The following EHBP1 variants were observed in gnomAD, a reference collection of about 807,000 sequenced individuals.
EHBP1 encodes the protein EH domain-binding protein 1.
Under a neutral mutation model 144.0 loss-of-function variants are expected in EHBP1, and 55 were observed. That is an observed-to-expected ratio of 0.38 (90% CI 0.31 to 0.48). The LOEUF (loss-of-function observed/expected upper bound fraction) is 0.48, where lower values mean the gene tolerates loss of function less well. Ranked by LOEUF, EHBP1 falls within the 20% of genes least tolerant of loss-of-function variation. The probability of loss-of-function intolerance (pLI) is 0.98; values close to 1 mark genes in which losing one functional copy is unlikely to be tolerated. For synonymous variants in EHBP1, 469 were observed against 472.7 expected (o/e 0.99, Z 0.10); for missense variants, 1,200 against 1,364.2 (o/e 0.88, Z 1.90).
chr2:62,685,723 C>A (rs913978761), intron 1 of EHBP1, among the ~76,000 whole-genome samples: 2 of 152,146 alleles, frequency 1.3e-5, no homozygotes, highest in African/African-American at 4.8e-5. Context: ...TTATAAGCGG[C>A]AGCACCTTTT....
At chr2:62,802,921 C>G (rs1033777721) in intron 5 of EHBP1, among the ~76,000 whole-genome samples, 1 of 152,054 alleles carries the variant, frequency 6.6e-6, no homozygotes, top group South Asian at 2.1e-4. Flanking sequence ...GACGGGGTTT[C>G]GCCATGTTGG....
chr2:62,772,748 TGTTAAA>T (rs1573264418), intron 5 of EHBP1, among the ~76,000 whole-genome samples: 1 of 152,250 alleles, frequency 6.6e-6, no homozygotes, highest in East Asian at 1.9e-4. Context: ...TCGTGATAAT[TGTTAAA>T]GTTCTAAAAT....
At chr2:62,682,010 A>G (rs2033547616) in intron 1 of EHBP1, among the ~76,000 whole-genome samples, 1 of 152,238 alleles carries the variant, frequency 6.6e-6, no homozygotes, top group Admixed American at 6.5e-5. Context: ...CTGGTGCTCT[A>G]AAGTTAGAGG....
At chr2:62,678,577 C>T (rs2033396560) in intron 1 of EHBP1, among the ~76,000 whole-genome samples, 1 of 152,232 alleles carries the variant, frequency 6.6e-6, no homozygotes, top group South Asian at 2.1e-4. Context: ...AAACTGTATT[C>T]ATATACATTA....
intron 5 of EHBP1, among the ~76,000 whole-genome samples, chr2:62,825,242 CT>C (rs2046262951): frequency 6.6e-6 from 1 of 152,054 alleles, no homozygotes; most frequent in African/African-American, 2.4e-5. Flanking sequence ...TACACGATGT[CT>C]TGTACAAAGT....
At chr2:62,820,737 A>AATATATAT (rs57039974) in intron 5 of EHBP1, among the ~76,000 whole-genome samples, 834 of 54,556 alleles carry the variant, frequency 0.015, 31 homozygotes, top group Non-Finnish European at 0.019. Flanking sequence ...GTGTGTGTAT[A>AATATATAT]ATATATATAT....
At chr2:62,990,883 C>A in intron 16 of EHBP1, 43 bp downstream of exon 16, 1 of 1,539,316 alleles carries the variant, frequency 6.5e-7, no homozygotes, top group South Asian at 1.3e-5. Context: ...GTATCTGTGT[C>A]TTCTAGTTTC....
chr2:62,990,437 C>T (rs1202910104), intron 15 of EHBP1, among the ~76,000 whole-genome samples: 1 of 151,946 alleles, frequency 6.6e-6, no homozygotes, highest in East Asian at 1.9e-4. Flanking sequence ...TAAATGTATA[C>T]ATCACATACA....
intron 10 of EHBP1, among the ~76,000 whole-genome samples, chr2:62,930,194 G>A (rs574919042): frequency 2.0e-5 from 3 of 152,302 alleles, no homozygotes; most frequent in African/African-American, 7.2e-5. Context: ...GCTGCAGTGA[G>A]TTGTGACCAT....
intron 5 of EHBP1, 160 bp from the exon 6 acceptor site, chr2:62,825,927 A>T (rs1426456488): frequency 6.1e-6 from 3 of 490,998 alleles, no homozygotes; most frequent in Non-Finnish European, 9.9e-6. Flanking sequence ...CAACTGTGAT[A>T]CAACTTCATT....
intron 10 of EHBP1, among the ~76,000 whole-genome samples, chr2:62,881,028 A>G (rs551933178): frequency 3.3e-5 from 5 of 151,976 alleles, no homozygotes; most frequent in South Asian, 4.2e-4. Flanking sequence ...AAAATGTGGT[A>G]TATATATATA....
At position 62,874,548 on chromosome 2, in the gene EHBP1, T is replaced by C. The variant is rs575009480; in HGVS notation, c.1185+16T>C. 4 of 1,542,176 alleles carry C rather than the reference T, an allele frequency of 2.6e-6. No homozygotes were observed. The African/African-American group carries it at 4.2e-5, about 16-fold the overall frequency. ...TTCTCCTAAGGTAGGATTTTATTCA[T>C]AGTAAAACATGTATTAATATTTGCT... On this transcript the variant is annotated intron_variant, in intron 10 of 22. Coordinates refer to ENST00000431489, the MANE Select transcript of EHBP1 (RefSeq NM_001142616.3).
In EHBP1 at chr2:62,948,283, A is replaced by G. The variant is rs775074378; in HGVS notation, c.1437A>G (p.Ile479Met). The G allele has an allele frequency of 1.3e-6, 2 of 1,579,444 alleles. No individual in the cohort carries two copies. The highest frequency in any genetic ancestry group is 2.3e-5 in the South Asian group (2 of 85,758). ...AGGCATACGATGGATTTGCCAGCAT[A>G]GGAATTTCCCGATTATTGGAACCTT... Reference protein sequence around the residue: ...NKKAYDGFASIGISRLLEPSD... With the variant: ...NKKAYDGFASMGISRLLEPSD... The change falls in exon 13 of 23, where the codon ATA becomes ATG. Residue 479 changes from isoleucine (I) to methionine (M), a missense_variant. By Grantham distance (10) the Ile-to-Met change is conservative. Around this residue, in one of 6 missense-constraint regions of EHBP1, gnomAD observed 94 missense variants for 143.0 expected, o/e 0.66. Transcript: ENST00000431489.
At chr2:62,795,270 T>C (rs1028628606) in intron 5 of EHBP1, among the ~76,000 whole-genome samples, 1 of 152,018 alleles carries the variant, frequency 6.6e-6, no homozygotes, top group Non-Finnish European at 1.5e-5. Context: ...TCCTACCCCA[T>C]TGTGGTAGTC....
In EHBP1 at chr2:63,002,590, G is replaced by A. The variant is rs1302406045; in HGVS notation, c.3103+5824G>A. Among the ~76,000 whole-genome samples the A allele has an allele frequency of 4.6e-5, 7 of 152,016 alleles. No homozygotes were observed. In the South Asian group the frequency reaches 6.2e-4, roughly 14 times the overall value. On this transcript the variant is annotated intron_variant, in intron 19 of 22. Coordinates refer to ENST00000431489, the MANE Select transcript of EHBP1 (RefSeq NM_001142616.3). Reference sequence around the variant, plus strand: ...ATTTCTGGAGGGTTTACTTATGGTTGTTACTTATATTCCTGAAATGCTATA... The same window carrying A: ...ATTTCTGGAGGGTTTACTTATGGTTATTACTTATATTCCTGAAATGCTATA...
At chr2:62,969,135 C>CA (rs2058379472) in intron 14 of EHBP1, among the ~76,000 whole-genome samples, 1 of 152,060 alleles carries the variant, frequency 6.6e-6, no homozygotes, top group East Asian at 1.9e-4. Flanking sequence ...TCTACTAATG[C>CA]AAATTGAAGT....
At chr2:62,722,138 T>G (rs981874433) in intron 2 of EHBP1, among the ~76,000 whole-genome samples, 8 of 151,300 alleles carry the variant, frequency 5.3e-5, no homozygotes, top group African/African-American at 1.9e-4. Flanking sequence ...GGAATTTTGT[T>G]TTTTTTTTTG....
chr2:62,925,715 T>TG (rs2055451699), intron 10 of EHBP1, among the ~76,000 whole-genome samples: 1 of 152,006 alleles, frequency 6.6e-6, no homozygotes, highest in Non-Finnish European at 1.5e-5. Context: ...GGTGAAAGAC[T>TG]CTACATGGAA....
At chr2:62,984,957 C>A (rs1050396246) in intron 15 of EHBP1, among the ~76,000 whole-genome samples, 1 of 152,094 alleles carries the variant, frequency 6.6e-6, no homozygotes, top group African/African-American at 2.4e-5. Flanking sequence ...CCAGACTTAC[C>A]TATTTTTTTT....
Sources: gnomAD v4.1 joint callset for allele counts (sites outside exome capture counted in the v4.1 genomes callset) on GRCh38, gnomAD v4.1.1 for gene constraint, gnomAD v4.1.1 regional missense constraint, MANE v1.5 for transcripts, NCBI Gene and HGNC (gene_info 2026-07-23, HGNC 2026-07-21) for gene names.